The following NFAT5 variants were observed in gnomAD, a reference collection of about 807,000 sequenced individuals.
NFAT5 encodes nuclear factor of activated T-cells 5.
NFAT5 carries 31 observed loss-of-function variants against 166.5 expected under a neutral mutation model. The ratio of observed to expected loss-of-function variants is 0.19; its 90% CI spans 0.14 to 0.25. NFAT5 has a LOEUF of 0.25. Among genes scored for constraint, NFAT5 ranks in the 10% least tolerant of loss-of-function variants. The pLI, the probability that NFAT5 is intolerant of heterozygous loss-of-function variation, is 1.00. For synonymous variants in NFAT5, 612 were observed against 639.7 expected (o/e 0.96, Z 0.65); for missense variants, 1,449 against 1,821.8 (o/e 0.80, Z 3.72).
At position 69,700,207 on chromosome 16, in the gene NFAT5, T is replaced by G. The variant is rs1472804191; in HGVS notation, c.*3856T>G. On this transcript the variant is annotated 3_prime_UTR_variant, in exon 15 of 15. Coordinates refer to ENST00000349945, the MANE Select transcript of NFAT5 (RefSeq NM_138713.4). ...TCCCTCCTTTCTCCCTTCCTTCCTT[T>G]CTTCCATTCATCCTTCCTTGCCTTT... 6.6e-6 allele frequency: 1 copy of G among 151,928 alleles called. No homozygotes were observed. The highest frequency in any genetic ancestry group is 2.4e-5 in the African/African-American group (1 of 41,336). The allele number at this position is 151,928 out of a possible 1,614,324, so 9.4% of individuals were successfully genotyped here.
intron 3 of NFAT5, among the ~76,000 whole-genome samples, chr16:69,643,422 A>G (rs919630270): frequency 6.7e-6 from 1 of 149,550 alleles, no homozygotes; most frequent in African/African-American, 2.5e-5. Flanking sequence ...TATTTTATGT[A>G]TTTATATTTT....
chr16:69,628,843 C>T (rs1036248854), intron 3 of NFAT5, among the ~76,000 whole-genome samples: 1 of 152,126 alleles, frequency 6.6e-6, no homozygotes, highest in Non-Finnish European at 1.5e-5. Flanking sequence ...GAGGCCCAGG[C>T]CGGCAGATCA....
chr16:69,668,881 G>A (rs1241878874), intron 7 of NFAT5, among the ~76,000 whole-genome samples: 3 of 151,520 alleles, frequency 2.0e-5, no homozygotes, highest in Non-Finnish European at 2.9e-5. Flanking sequence ...GGTTTCACCC[G>A]ACTCTGAATT....
intron 9 of NFAT5, among the ~76,000 whole-genome samples, chr16:69,670,965 G>C (rs946841744): frequency 6.6e-6 from 1 of 152,186 alleles, no homozygotes; most frequent in African/African-American, 2.4e-5. Context: ...CTAAAATTTA[G>C]TGTAAGCTGA....
intron 7 of NFAT5, among the ~76,000 whole-genome samples, chr16:69,668,279 C>A (rs1401744124): frequency 1.3e-5 from 2 of 152,216 alleles, no homozygotes; most frequent in African/African-American, 4.8e-5. Context: ...TGAGCCACCT[C>A]ACCCGGCCAG....
chr16:69,576,905 G>T (rs186894108), intron 2 of NFAT5, among the ~76,000 whole-genome samples: 1 of 152,332 alleles, frequency 6.6e-6, no homozygotes, highest in Non-Finnish European at 1.5e-5. Flanking sequence ...TGAAGGTGCC[G>T]TGGGGCTCTT....
chr16:69,667,379 C>T (rs1158369887), intron 7 of NFAT5, among the ~76,000 whole-genome samples: 1 of 151,172 alleles, frequency 6.6e-6, no homozygotes, highest in Non-Finnish European at 1.5e-5. Context: ...AGTAACAAAA[C>T]TGTATAATAT....
chr16:69,589,505 T>C (rs1001128361), intron 2 of NFAT5, among the ~76,000 whole-genome samples: 3 of 152,002 alleles, frequency 2.0e-5, no homozygotes, highest in Admixed American at 1.3e-4. Flanking sequence ...ACTCAGAAAC[T>C]CAAAGGATAA....
rs374848662 is a variant in NFAT5 at position 69,683,192 on chromosome 16, C to G, written c.1691-1695C>G. 3.7e-4 allele frequency among the ~76,000 whole-genome samples: 56 copies of G among 152,058 alleles called. No homozygotes were observed. In the South Asian group the frequency reaches 0.012, roughly 32 times the overall value. ...CGCCACTGCACTCCAGCCTGGGCAA[C>G]AAGAGCGAAACTCCGTCTCAAAAGA... is the stretch of plus-strand genomic sequence containing the variant. On this transcript the variant is annotated intron_variant, in intron 10 of 14. Coordinates refer to ENST00000349945, the MANE Select transcript of NFAT5 (RefSeq NM_138713.4).
rs1303702593 is a variant in NFAT5 at position 69,688,089 on chromosome 16, G to A, written c.1775-2851G>A. 4.6e-5 allele frequency among the ~76,000 whole-genome samples: 7 copies of A among 150,604 alleles called. No individual in the cohort carries two copies. In the East Asian group the frequency reaches 9.8e-4, roughly 21 times the overall value. On this transcript the variant is annotated intron_variant, in intron 11 of 14. Transcript: ENST00000349945. ...CGGGCGCCTGTAGTCCCAGCTACTC[G>A]GGAGGCTGAGGCAGGAGAATGGCGT...
intron 2 of NFAT5, among the ~76,000 whole-genome samples, chr16:69,625,274 G>A (rs1314875930): frequency 6.6e-6 from 1 of 151,616 alleles, no homozygotes; most frequent in African/African-American, 2.4e-5. Context: ...AATTATTTCT[G>A]TTAAAAACCT....
intron 11 of NFAT5, among the ~76,000 whole-genome samples, chr16:69,686,892 ATTGT>A (rs1229357812): frequency 1.2e-5 from 1 of 84,224 alleles, no homozygotes; most frequent in Non-Finnish European, 2.2e-5. Flanking sequence ...CATATGAGAA[ATTGT>A]TTGGTAGAGA....
rs954797530 is a variant in NFAT5, at chr16:69,629,868, A to C, written c.253+3340A>C. Among the ~76,000 whole-genome samples the C allele has an allele frequency of 2.0e-5, 3 of 150,536 alleles. No individual in the cohort carries two copies. The East Asian group carries it at 5.9e-4, about 29-fold the overall frequency. ...ACTGCAGCCTAAACCCCCTGGGCTCAAGTGATCCTCCCATTTCAGTCTCCT... is the reference window on the plus strand; with the variant it reads ...ACTGCAGCCTAAACCCCCTGGGCTCCAGTGATCCTCCCATTTCAGTCTCCT... On this transcript the variant is annotated intron_variant, in intron 3 of 14. Transcript: ENST00000349945.
At chr16:69,688,828 A>T (rs1025914469) in intron 11 of NFAT5, among the ~76,000 whole-genome samples, 6 of 152,062 alleles carry the variant, frequency 3.9e-5, no homozygotes, top group African/African-American at 1.5e-4. Flanking sequence ...AGAGCTCATG[A>T]TCTAATGGAA....
At chr16:69,622,123 T>G (rs1164113082) in intron 2 of NFAT5, among the ~76,000 whole-genome samples, 4 of 152,206 alleles carry the variant, frequency 2.6e-5, no homozygotes, top group African/African-American at 9.6e-5. Context: ...TCTTTCGGTA[T>G]CCCATGGGAA....
rs1355868241 is a variant in NFAT5, at chr16:69,697,749, C to T, written c.*1398C>T. ...CCGTGGGATGCCTGCTTCTCACTAC[C>T]ACCTGTGTCTGGACACATGCTTATG... On this transcript the variant is annotated 3_prime_UTR_variant, in exon 15 of 15. Transcript: ENST00000349945. The T allele has an allele frequency of 6.6e-6, 1 of 152,582 alleles. No homozygotes were observed. Among genetic ancestry groups the T allele is most frequent in the South Asian group, 2.1e-4 (1 of 4,830 alleles). 9.5% of individuals were successfully genotyped at this position (152,582 alleles called of 1,614,324 possible).
At chr16:69,568,368 GTGTGTGTGTATATATA>G (rs2016223740) in intron 1 of NFAT5, 111 bp from the exon 2 acceptor site, 2 of 389,236 alleles carry the variant, frequency 5.1e-6, no homozygotes, top group African/African-American at 2.8e-5. Context: ...GTGTGTGTGT[GTGTGTGTGTATATATA>G]TATATATATA....
At chr16:69,648,429 CATTG>C (rs746544022) in intron 4 of NFAT5, 299 of 982,330 alleles carry the variant, frequency 3.0e-4, no homozygotes, top group Non-Finnish European at 3.5e-4. Context: ...GATACTAATA[CATTG>C]ATTGTACAGA....
In NFAT5 at chr16:69,691,842, C is replaced by G; in HGVS notation, c.2017C>G (p.Leu673Val). 1.9e-6 allele frequency: 3 copies of G among 1,614,108 alleles called. No homozygotes were observed. The highest frequency in any genetic ancestry group is 2.5e-6 in the Non-Finnish European group (3 of 1,180,004). The change falls in exon 13 of 15, where the codon CTA becomes GTA. Residue 673 changes from leucine to valine, a missense_variant. Leu to Val is a conservative substitution (Grantham distance 32, BLOSUM62 1). Coordinates refer to ENST00000349945, the MANE Select transcript of NFAT5 (RefSeq NM_138713.4). ...GSFSSPSSSHLPSENEKQQQI... is the reference protein window; with the variant it reads ...GSFSSPSSSHVPSENEKQQQI... ...TTTTTCATCACCATCATCTTCCCAC[C>G]TACCTTCTGAAAATGAAAAACAGCA...
Sources: gnomAD v4.1 joint callset for allele counts (sites outside exome capture counted in the v4.1 genomes callset) on GRCh38, gnomAD v4.1.1 for gene constraint, MANE v1.5 for transcripts, NCBI Gene and HGNC (gene_info 2026-07-23, HGNC 2026-07-21) for gene names.